Variants in THSD7B observed in about 807,000 individuals in gnomAD.
The protein encoded by THSD7B is thrombospondin type 1 domain containing 7B, also known as thrombospondin type-1 domain-containing protein 7B.
Under a neutral mutation model 213.6 loss-of-function variants are expected in THSD7B, and 138 were observed. The observed-to-expected ratio is 0.65, with a 90% CI of 0.56 to 0.74. The LOEUF is 0.74. Ranked by LOEUF, THSD7B falls within the 30% of genes least tolerant of loss-of-function variation. The probability of loss-of-function intolerance (pLI) is 0.00; values close to 1 mark genes in which losing one functional copy is unlikely to be tolerated. For missense variants in THSD7B, 1,931 were observed against 1,991.5 expected, an observed-to-expected ratio of 0.97 and a Z score of 0.58; for synonymous variants, 742 against 687.0, an observed-to-expected ratio of 1.08 and a Z score of -1.25.
chr2:137,135,556 G>A (rs531382358), intron 5 of THSD7B, among the ~76,000 whole-genome samples: 62 of 152,228 alleles, frequency 4.1e-4, no homozygotes, highest in African/African-American at 1.5e-3. Flanking sequence ...TTTAGCCCAT[G>A]GCTTTTCTGT....
intron 15 of THSD7B, among the ~76,000 whole-genome samples, chr2:137,496,914 A>T (rs900656886): frequency 6.6e-6 from 1 of 152,174 alleles, no homozygotes; most frequent in Non-Finnish European, 1.5e-5. Context: ...GAGGAGTTCC[A>T]ATCATCTAGT....
intron 14 of THSD7B, among the ~76,000 whole-genome samples, chr2:137,443,136 G>GA (rs1558798736): frequency 2.0e-5 from 3 of 151,990 alleles, no homozygotes. Context: ...ATCGTCTAAG[G>GA]AAAAAAATAT....
chr2:137,563,171 T>C, intron 15 of THSD7B, 50 bp from the exon 16 acceptor site: 1 of 1,582,246 alleles, frequency 6.3e-7, no homozygotes, highest in Non-Finnish European at 8.6e-7. Context: ...GCTATTTTTC[T>C]ATAAGTTGGA....
At chr2:137,096,148 T>C (rs533187680) in intron 4 of THSD7B, among the ~76,000 whole-genome samples, 2 of 152,202 alleles carry the variant, frequency 1.3e-5, no homozygotes, top group Admixed American at 6.5e-5. Context: ...ATTTGTGATA[T>C]TTCCTGCTGA....
At chr2:137,357,494 A>C (rs1685159091) in intron 12 of THSD7B, among the ~76,000 whole-genome samples, 1 of 152,148 alleles carries the variant, frequency 6.6e-6, no homozygotes, top group Admixed American at 6.6e-5. Context: ...AAATTATTCC[A>C]TAAGGTATGC....
chr2:137,311,072 T>C (rs1683892546), intron 12 of THSD7B, among the ~76,000 whole-genome samples: 1 of 151,106 alleles, frequency 6.6e-6, no homozygotes, highest in South Asian at 2.1e-4. Context: ...GGGGATGGCA[T>C]TGAATCTGTA....
chr2:136,883,041 C>T (rs1683651532), intron 2 of THSD7B, among the ~76,000 whole-genome samples: 1 of 152,062 alleles, frequency 6.6e-6, no homozygotes, highest in Non-Finnish European at 1.5e-5. Flanking sequence ...CTTTTCCTTG[C>T]TCTGGATTTT....
At chr2:137,450,805 T>A (rs1026532724) in intron 14 of THSD7B, 40 bp from the exon 15 acceptor site, 1 of 1,473,304 alleles carries the variant, frequency 6.8e-7, no homozygotes, top group Non-Finnish European at 9.3e-7. Context: ...GATCAGTACA[T>A]TTTAATCAGA....
intron 20 of THSD7B, among the ~76,000 whole-genome samples, chr2:137,630,505 G>A (rs1416115242): frequency 6.6e-6 from 1 of 152,096 alleles, no homozygotes; most frequent in Non-Finnish European, 1.5e-5. Context: ...CACACCTGTG[G>A]TAGATAGTAA....
At chr2:136,854,343 A>T (rs1336021863) in intron 1 of THSD7B, among the ~76,000 whole-genome samples, 2 of 152,074 alleles carry the variant, frequency 1.3e-5, no homozygotes, top group African/African-American at 2.4e-5. Flanking sequence ...ATTCATTTTC[A>T]TCTTTTATTC....
chr2:137,628,248 A>G lies in THSD7B; in HGVS notation c.3799+7522A>G, dbSNP rs1573752603. Among the ~76,000 whole-genome samples, 3 of 152,162 alleles carry G rather than the reference A, an allele frequency of 2.0e-5. No individual in the cohort carries two copies. In the South Asian group the frequency reaches 6.2e-4, roughly 32 times the overall value. On this transcript the variant is annotated intron_variant, in intron 20 of 27. Transcript: ENST00000409968. ...GCAGTCACCCTAATCTCCCAATTTT[A>G]TATCTCATCCTTTTACTCCTCTCCA...
intron 25 of THSD7B, among the ~76,000 whole-genome samples, chr2:137,663,025 A>G (rs997197712): frequency 1.3e-5 from 2 of 151,518 alleles, no homozygotes; most frequent in Non-Finnish European, 2.9e-5. Flanking sequence ...AGATTGTGCC[A>G]TTGTACTCCA....
intron 12 of THSD7B, among the ~76,000 whole-genome samples, chr2:137,337,110 A>C (rs1309631612): frequency 6.6e-6 from 1 of 151,762 alleles, no homozygotes; most frequent in Non-Finnish European, 1.5e-5. Flanking sequence ...CCTAATAATA[A>C]TACCTAATAA....
chr2:137,343,121 GTTTGT>G (rs1684800105), intron 12 of THSD7B, among the ~76,000 whole-genome samples: 2 of 149,944 alleles, frequency 1.3e-5, no homozygotes, highest in South Asian at 2.1e-4. Flanking sequence ...TTTTTTGCAG[GTTTGT>G]TTTATTTTTT....
rs79514429 is a variant in THSD7B at position 137,215,501 on chromosome 2, G to T, written c.1724-15543G>T. 9.8e-5 allele frequency among the ~76,000 whole-genome samples: 15 copies of T among 152,288 alleles called. No individual in the cohort carries two copies. In the East Asian group the frequency reaches 2.9e-3, roughly 29 times the overall value. On this transcript the variant is annotated intron_variant, in intron 7 of 27. Transcript: ENST00000409968. ...TCTGAAATGCAAAAAGTAGATGCTG[G>T]CCTGGAGAGCTCTGCATGCCCTCAG...
intron 12 of THSD7B, among the ~76,000 whole-genome samples, chr2:137,283,847 G>T (rs1683099685): frequency 6.6e-6 from 1 of 152,090 alleles, no homozygotes; most frequent in Non-Finnish European, 1.5e-5. Context: ...CAAGGATATT[G>T]GTCTAAAATT....
chr2:137,443,923 A>G (rs540950320), intron 14 of THSD7B, among the ~76,000 whole-genome samples: 4 of 152,230 alleles, frequency 2.6e-5, no homozygotes, highest in African/African-American at 9.6e-5. Flanking sequence ...TAAATCAGCT[A>G]CATTTCAGTT....
At chr2:137,600,608 C>T (rs758289848) in intron 17 of THSD7B, among the ~76,000 whole-genome samples, 1 of 152,100 alleles carries the variant, frequency 6.6e-6, no homozygotes, top group Non-Finnish European at 1.5e-5. Context: ...TGTAGTGGCA[C>T]ACGCCTGTAG....
At chr2:137,101,975 T>G (rs1467302591) in intron 4 of THSD7B, among the ~76,000 whole-genome samples, 1 of 152,174 alleles carries the variant, frequency 6.6e-6, no homozygotes, top group Admixed American at 6.5e-5. Flanking sequence ...TTAGCAGACT[T>G]AAACGTTCCT....
Sources: allele counts gnomAD v4.1 joint callset (sites outside exome capture counted in the v4.1 genomes callset), GRCh38; gene constraint gnomAD v4.1.1; transcripts MANE v1.5; gene names NCBI Gene and HGNC (gene_info 2026-07-23, HGNC 2026-07-21).